NKAIN2: variants seen among roughly 807,000 people sequenced by gnomAD.
NKAIN2 encodes the protein sodium/potassium-transporting ATPase subunit beta-1-interacting protein 2.
NKAIN2 carries 14 observed loss-of-function variants against 32.6 expected under a neutral mutation model. The observed-to-expected ratio is 0.43, with a 90% CI of 0.28 to 0.67. The LOEUF (loss-of-function observed/expected upper bound fraction) is 0.67. Among genes scored for constraint, NKAIN2 ranks in the 30% least tolerant of loss-of-function variants. NKAIN2 has a pLI of 0.17. For synonymous variants in NKAIN2, 80 were observed against 87.2 expected, an observed-to-expected ratio of 0.92 and a Z score of 0.46; for missense variants, 198 against 258.3, an observed-to-expected ratio of 0.77 and a Z score of 1.60.
At chr6:123,989,476 C>G (rs1779321624) in intron 1 of NKAIN2, among the ~76,000 whole-genome samples, 1 of 152,072 alleles carries the variant, frequency 6.6e-6, no homozygotes, top group Admixed American at 6.6e-5. Context: ...AAACAATAAA[C>G]AGAACTCTTG....
chr6:124,221,374 G>A (rs867884394), intron 1 of NKAIN2, among the ~76,000 whole-genome samples: 10 of 145,250 alleles, frequency 6.9e-5, no homozygotes, highest in South Asian at 4.5e-4. Flanking sequence ...CATGGACACA[G>A]GGAGGGGAAC....
At chr6:124,791,258 T>C in intron 4 of NKAIN2, 81 bp from the exon 5 acceptor site, 1 of 1,032,944 alleles carries the variant, frequency 9.7e-7, no homozygotes, top group Non-Finnish European at 1.5e-6. Context: ...GTAAACTGCC[T>C]GACTTTGAAA....
At chr6:124,350,990 A>C (rs1480108354) in intron 2 of NKAIN2, among the ~76,000 whole-genome samples, 2 of 152,174 alleles carry the variant, frequency 1.3e-5, no homozygotes. Context: ...CGCCTTCTCT[A>C]AAAAGTAAAT....
intron 1 of NKAIN2, among the ~76,000 whole-genome samples, chr6:124,139,035 T>A (rs985840518): frequency 1.1e-4 from 16 of 149,758 alleles, no homozygotes; most frequent in Non-Finnish European, 2.4e-4. Flanking sequence ...AACTTATTCA[T>A]GTAGCCAAAA....
intron 1 of NKAIN2, among the ~76,000 whole-genome samples, chr6:123,860,325 C>T (rs1038423930): frequency 6.6e-6 from 1 of 152,100 alleles, no homozygotes; most frequent in African/African-American, 2.4e-5. Flanking sequence ...ATATTATCTC[C>T]AGAAACAGTA....
At chr6:124,647,453 T>C (rs997199239) in intron 3 of NKAIN2, among the ~76,000 whole-genome samples, 3 of 125,344 alleles carry the variant, frequency 2.4e-5, no homozygotes, top group African/African-American at 9.0e-5. Context: ...AAGCCAAGAT[T>C]GTGCCACTGC....
chr6:124,067,933 G>T (rs771843435), intron 1 of NKAIN2, among the ~76,000 whole-genome samples: 1 of 152,128 alleles, frequency 6.6e-6, no homozygotes, highest in Non-Finnish European at 1.5e-5. Context: ...AGGGAAATGG[G>T]CATATAAGGA....
intron 1 of NKAIN2, among the ~76,000 whole-genome samples, chr6:124,079,155 C>T (rs1463923442): frequency 6.6e-6 from 1 of 151,898 alleles, no homozygotes; most frequent in Non-Finnish European, 1.5e-5. Flanking sequence ...AACCCCGTCT[C>T]TACTAAAAAT....
At chr6:124,564,492 CCT>C (rs1459163188) in intron 3 of NKAIN2, among the ~76,000 whole-genome samples, 9 of 152,110 alleles carry the variant, frequency 5.9e-5, no homozygotes, top group Non-Finnish European at 1.0e-4. Context: ...CCAACCCCCC[CCT>C]CCCCCACCAG....
Position 124,452,836 on chromosome 6 carries a change from G to A in NKAIN2, c.273+97489G>A, listed in dbSNP as rs538939883. Among the ~76,000 whole-genome samples the A allele has an allele frequency of 1.9e-4, 29 of 152,160 alleles. No individual in the cohort carries two copies. The Middle Eastern group carries it at 0.014, about 71-fold the overall frequency. ...GAATTAATTGCGTATGTAAATTCGG[G>A]TGCAGTAATAATGGCATCATAGGTG... On this transcript the variant is annotated intron_variant, in intron 3 of 6. Coordinates refer to ENST00000368417, the MANE Select transcript of NKAIN2 (RefSeq NM_001040214.3).
At chr6:123,842,860 T>A (rs1311672353) in intron 1 of NKAIN2, among the ~76,000 whole-genome samples, 5 of 152,190 alleles carry the variant, frequency 3.3e-5, no homozygotes, top group Non-Finnish European at 5.9e-5. Flanking sequence ...TCCTCTTATC[T>A]GGTCCAGTTC....
intron 4 of NKAIN2, among the ~76,000 whole-genome samples, chr6:124,683,944 T>A (rs571779895): frequency 8.5e-5 from 13 of 152,312 alleles, no homozygotes; most frequent in Non-Finnish European, 1.3e-4. Context: ...GGAGAACAGG[T>A]TCTTTACATG....
chr6:123,875,380 G>T (rs78765939), intron 1 of NKAIN2, among the ~76,000 whole-genome samples: 2,194 of 151,898 alleles, frequency 0.014, 54 homozygotes, highest in African/African-American at 0.05. Context: ...AATGTAATTT[G>T]CTTGTTTCCT....
chr6:124,434,630 A>T (rs1775359297), intron 3 of NKAIN2, among the ~76,000 whole-genome samples: 1 of 152,192 alleles, frequency 6.6e-6, no homozygotes, highest in Non-Finnish European at 1.5e-5. Flanking sequence ...ACATAGGCAG[A>T]TTGCTTCATT....
chr6:124,547,108 A>G (rs548974319), intron 3 of NKAIN2, among the ~76,000 whole-genome samples: 87 of 152,250 alleles, frequency 5.7e-4, no homozygotes, highest in African/African-American at 2.0e-3. Context: ...CTTTGGACAC[A>G]TATTAAACAG....
chr6:124,808,708 T>C (rs1582561290), intron 5 of NKAIN2, among the ~76,000 whole-genome samples: 1 of 152,216 alleles, frequency 6.6e-6, no homozygotes, highest in Non-Finnish European at 1.5e-5. Context: ...TGTTTGCAGA[T>C]GATATGATTG....
intron 1 of NKAIN2, among the ~76,000 whole-genome samples, chr6:124,191,639 A>G (rs1004956720): frequency 2.0e-5 from 3 of 152,080 alleles, no homozygotes; most frequent in Admixed American, 1.3e-4. Context: ...TACAATGTAA[A>G]TAGATATAAT....
rs376400325 is a variant in NKAIN2, at chr6:123,976,403, A to T, written c.54+172149A>T. On this transcript the variant is annotated intron_variant, in intron 1 of 6. Coordinates refer to ENST00000368417, the MANE Select transcript of NKAIN2 (RefSeq NM_001040214.3). ...TATATATATATATATATATATATAT[A>T]TATATATATATATGGAAAGAGAGAG... Among the ~76,000 whole-genome samples the T allele has an allele frequency of 1.2e-4, 7 of 56,092 alleles. 1 individual carries two copies. The highest frequency in any genetic ancestry group is 1.8e-4 in the Non-Finnish European group (5 of 27,134). 36.8% of individuals were successfully genotyped at this position (56,092 alleles called of 152,430 possible). A position where few individuals can be genotyped will look rare whatever the true frequency, so the allele number is the denominator to read the frequency against.
chr6:124,557,608 G>T (rs1780524683), intron 3 of NKAIN2, among the ~76,000 whole-genome samples: 1 of 152,140 alleles, frequency 6.6e-6, no homozygotes, highest in African/African-American at 2.4e-5. Context: ...AAGCATACCA[G>T]TGACTGTTCC....
Sources: allele counts gnomAD v4.1 joint callset (sites outside exome capture counted in the v4.1 genomes callset), GRCh38; gene constraint gnomAD v4.1.1; transcripts MANE v1.5; gene names NCBI Gene and HGNC (gene_info 2026-07-23, HGNC 2026-07-21).